SPIDR: variants seen among roughly 807,000 people sequenced by gnomAD.
SPIDR encodes the protein DNA repair-scaffolding protein.
SPIDR carries 93 observed loss-of-function variants against 104.6 expected under a neutral mutation model. The ratio of observed to expected loss-of-function variants is 0.89; its 90% confidence interval spans 0.75 to 1.06. The LOEUF is 1.06. SPIDR is among the 50% of genes least tolerant of loss of function. The pLI, the probability that SPIDR is intolerant of heterozygous loss-of-function variation, is 0.00. For synonymous variants in SPIDR, 431 were observed against 416.9 expected (o/e 1.03, Z -0.41); for missense variants, 1,154 against 1,111.2 (o/e 1.04, Z -0.55).
chr8:47,318,169 C>T (rs2045792971), intron 5 of SPIDR, among the ~76,000 whole-genome samples: 5 of 152,074 alleles, frequency 3.3e-5, no homozygotes, highest in Non-Finnish European at 7.4e-5. Flanking sequence ...AAGTTCGAAC[C>T]CATGGCAAAG....
chr8:47,364,423 T>C (rs924285627), intron 5 of SPIDR, among the ~76,000 whole-genome samples: 10 of 152,204 alleles, frequency 6.6e-5, no homozygotes, highest in African/African-American at 2.4e-4. Context: ...AAAAGAACCC[T>C]GGCTCTTGTT....
intron 10 of SPIDR, among the ~76,000 whole-genome samples, chr8:47,648,941 A>G (rs1462067242): frequency 2.0e-5 from 3 of 152,242 alleles, no homozygotes; most frequent in African/African-American, 2.4e-5. Flanking sequence ...GTTTCACAGT[A>G]TCTCCTACAC....
rs1226118453 is a variant in SPIDR, at chr8:47,512,122, G to A, written c.1097+71580G>A. The stretch of plus-strand genomic sequence containing the variant: ...CATCACCACCACGAACTCTCTCAGC[G>A]TCTTCTGTTGCTCCGCTGCCGTCTT... On this transcript the variant is annotated intron_variant, in intron 8 of 19. Coordinates refer to ENST00000297423, the MANE Select transcript of SPIDR (RefSeq NM_001080394.4). 7.2e-5 allele frequency: 34 copies of A among 474,950 alleles called. No homozygotes were observed. In the Admixed American group the frequency reaches 9.3e-4, roughly 13 times the overall value. The allele number at this position is 474,950 out of a possible 1,614,324, so 29.4% of individuals were successfully genotyped here.
At chr8:47,640,975 A>ATC (rs2068851711) in intron 10 of SPIDR, among the ~76,000 whole-genome samples, 2 of 148,040 alleles carry the variant, frequency 1.4e-5, no homozygotes, top group Non-Finnish European at 3.0e-5. Context: ...GGCCTCCCAA[A>ATC]GCGCTAGGAT....
chr8:47,529,795 A>G (rs531309683), intron 8 of SPIDR, among the ~76,000 whole-genome samples: 1 of 152,356 alleles, frequency 6.6e-6, no homozygotes, highest in Middle Eastern at 3.4e-3. Flanking sequence ...GCAATATTAT[A>G]AGAGATACAA....
In SPIDR at chr8:47,421,196, G is replaced by T. The variant is rs146333774; in HGVS notation, c.877+13235G>T. 5.5e-3 allele frequency among the ~76,000 whole-genome samples: 835 copies of T among 152,346 alleles called. 22 individuals carry two copies. The East Asian group carries it at 0.083, about 15-fold the overall frequency. ...GGGAAGTTCTCCTGGATAATATCCT[G>T]CAGAGTGTTTTCCAACTTGGTTCCA... On this transcript the variant is annotated intron_variant, in intron 7 of 19. Transcript: ENST00000297423.
rs2057116089 is a variant in SPIDR at position 47,561,823 on chromosome 8, T to C, written c.1098-33988T>C. 2.0e-5 allele frequency among the ~76,000 whole-genome samples: 3 copies of C among 152,338 alleles called. No homozygotes were observed. The South Asian group carries it at 6.2e-4, about 32-fold the overall frequency. On this transcript the variant is annotated intron_variant, in intron 8 of 19. Coordinates refer to ENST00000297423, the MANE Select transcript of SPIDR (RefSeq NM_001080394.4). Reference sequence around the variant, plus strand: ...AGCCTTGTATAACATGTACGGTAACTGACACATTATATCTCGTACACTGAT... The same window carrying C: ...AGCCTTGTATAACATGTACGGTAACCGACACATTATATCTCGTACACTGAT...
At chr8:47,465,259 C>T (rs376298531) in intron 8 of SPIDR, among the ~76,000 whole-genome samples, 8 of 152,236 alleles carry the variant, frequency 5.3e-5, no homozygotes, top group African/African-American at 1.9e-4. Context: ...CAGCCACTAC[C>T]ATAAGTTACT....
chr8:47,413,438 C>A (rs1320015875), intron 7 of SPIDR, among the ~76,000 whole-genome samples: 1 of 152,238 alleles, frequency 6.6e-6, no homozygotes, highest in African/African-American at 2.4e-5. Flanking sequence ...CCCTGCCACT[C>A]TTCTGCCATA....
At chr8:47,542,835 A>G (rs1249800991) in intron 8 of SPIDR, among the ~76,000 whole-genome samples, 3 of 151,994 alleles carry the variant, frequency 2.0e-5, no homozygotes. Flanking sequence ...TAGGCATACT[A>G]TTTTCTTCCA....
At chr8:47,511,269 T>A (rs34392879) in intron 8 of SPIDR, 86,045 of 1,547,890 alleles carry the variant, frequency 0.056, 3,129 homozygotes, top group Middle Eastern at 0.092. Flanking sequence ...TGGTAGTCTC[T>A]GATTCGACGA....
intron 5 of SPIDR, among the ~76,000 whole-genome samples, chr8:47,307,035 C>T (rs1472173000): frequency 6.6e-6 from 1 of 152,070 alleles, no homozygotes; most frequent in Non-Finnish European, 1.5e-5. Context: ...TTCTGTCAAT[C>T]TCTGTCTTTT....
At chr8:47,269,221 C>T (rs1487135108) in intron 1 of SPIDR, among the ~76,000 whole-genome samples, 1 of 137,540 alleles carries the variant, frequency 7.3e-6, no homozygotes, top group South Asian at 2.4e-4. Context: ...GATCCATGAT[C>T]GTGCTACTGC....
chr8:47,395,241 T>A (rs1488716638), intron 5 of SPIDR, among the ~76,000 whole-genome samples: 1 of 151,996 alleles, frequency 6.6e-6, no homozygotes, highest in Non-Finnish European at 1.5e-5. Flanking sequence ...CCCAGCTACT[T>A]GGGAGGCTGA....
intron 8 of SPIDR, chr8:47,527,265 T>C (rs776516864): frequency 6.6e-6 from 1 of 152,088 alleles, no homozygotes; most frequent in Non-Finnish European, 1.5e-5. Context: ...CCCAGTTAAC[T>C]TGGGGGGAAG....
chr8:47,362,587 A>C, intron 5 of SPIDR, among the ~76,000 whole-genome samples: 1 of 152,224 alleles, frequency 6.6e-6, no homozygotes, highest in Non-Finnish European at 1.5e-5. Flanking sequence ...CAAAAGTGTA[A>C]AGAGAAAAAA....
intron 5 of SPIDR, among the ~76,000 whole-genome samples, chr8:47,294,724 G>A (rs1318043763): frequency 6.6e-6 from 1 of 152,124 alleles, no homozygotes; most frequent in African/African-American, 2.4e-5. Flanking sequence ...TTGATCTCCT[G>A]GGCTCAAGTG....
At chr8:47,397,397 G>A (rs781986491) in intron 6 of SPIDR, among the ~76,000 whole-genome samples, 2 of 152,070 alleles carry the variant, frequency 1.3e-5, no homozygotes, top group East Asian at 1.9e-4. Flanking sequence ...ACAGGAGGCC[G>A]AGGCAGGAGA....
At chr8:47,420,383 C>G (rs1554679190) in intron 7 of SPIDR, among the ~76,000 whole-genome samples, 1 of 152,050 alleles carries the variant, frequency 6.6e-6, no homozygotes, top group Non-Finnish European at 1.5e-5. Context: ...CCTTCTTTGT[C>G]TCTTTTGATC....
Sources: allele counts gnomAD v4.1 joint callset (sites outside exome capture counted in the v4.1 genomes callset), GRCh38; gene constraint gnomAD v4.1.1; transcripts MANE v1.5; gene names NCBI Gene and HGNC (gene_info 2026-07-23, HGNC 2026-07-21).